Variants in ANXA4 observed in about 807,000 individuals in gnomAD.
ANXA4 encodes 35-beta calcimedin.
Under a neutral mutation model 49.8 loss-of-function variants are expected in ANXA4, and 39 were observed. The ratio of observed to expected loss-of-function variants is 0.78; its 90% CI spans 0.61 to 1.02. The LOEUF (loss-of-function observed/expected upper bound fraction) is 1.02. Among genes scored for constraint, ANXA4 ranks in the 50% least tolerant of loss-of-function variants. ANXA4 has a pLI of 0.00. For synonymous variants in ANXA4, 134 were observed against 152.5 expected (o/e 0.88, Z 0.89); for missense variants, 360 against 410.1 (o/e 0.88, Z 1.05).
Position 69,680,100 on chromosome 2 carries a change from T to C in ANXA4, n.766+26818T>C, listed in dbSNP as rs114115060. On this transcript the variant is annotated intron_variant and non_coding_transcript_variant, in intron 2 of 3. Transcript: ENST00000418066. Reference sequence around the variant, plus strand: ...AATCTGATTATTGCTTTGGGTAGTTTGGTCATTTTAAGAGCGTTAATTCTT... The same window carrying C: ...AATCTGATTATTGCTTTGGGTAGTTCGGTCATTTTAAGAGCGTTAATTCTT... Among the ~76,000 whole-genome samples the C allele has an allele frequency of 8.6e-3, 1,304 of 152,306 alleles. 24 individuals carry two copies. The highest frequency in any genetic ancestry group is 0.029 in the African/African-American group (1,220 of 41,556).
intron 1 of ANXA4, among the ~76,000 whole-genome samples, chr2:69,651,552 G>A (rs1208141604): frequency 6.6e-6 from 1 of 152,034 alleles, no homozygotes; most frequent in Non-Finnish European, 1.5e-5. Context: ...GCCCAGGCTG[G>A]AGTGCAGTGG....
chr2:69,695,594 G>C (rs138242252), intron 2 of ANXA4, among the ~76,000 whole-genome samples: 2 of 152,194 alleles, frequency 1.3e-5, no homozygotes, highest in African/African-American at 4.8e-5. Flanking sequence ...GAGAAACCAC[G>C]CTGGGGAGAG....
intron 2 of ANXA4, among the ~76,000 whole-genome samples, chr2:69,702,290 GGT>G (rs1171226821): frequency 6.6e-6 from 1 of 152,054 alleles, no homozygotes; most frequent in East Asian, 1.9e-4. Flanking sequence ...TGGGATTACA[GGT>G]GTGAGCCACT....
intron 8 of ANXA4, chr2:69,814,743 GGTGTGTGTGTGTGTGTGTGTGTGTGT>G (rs754855168): frequency 8.1e-6 from 1 of 123,638 alleles, no homozygotes; most frequent in South Asian, 2.6e-4. Flanking sequence ...GACACAGAGG[GGTGTGTGTGTGTGTGTGTGTGTGTGT>G]GTGTGTGTGT....
chr2:69,797,367 C>A (rs1672989281), intron 3 of ANXA4, among the ~76,000 whole-genome samples: 1 of 152,134 alleles, frequency 6.6e-6, no homozygotes, highest in African/African-American at 2.4e-5. Context: ...TACCAGAGGA[C>A]CTAATCAATG....
At chr2:69,718,991 TTTTG>T (rs1559108184) in intron 2 of ANXA4, among the ~76,000 whole-genome samples, 2 of 151,860 alleles carry the variant, frequency 1.3e-5, no homozygotes. Flanking sequence ...TTTTTTTTTT[TTTTG>T]TGACTGAGTC....
At chr2:69,730,564 T>A (rs945645158) in intron 3 of ANXA4, among the ~76,000 whole-genome samples, 1 of 151,968 alleles carries the variant, frequency 6.6e-6, no homozygotes, top group Admixed American at 6.6e-5. Context: ...AAGATGGGGG[T>A]TTCTGAGGTT....
At chr2:69,660,733 ACT>A (rs1157215539) in intron 2 of ANXA4, among the ~76,000 whole-genome samples, 1 of 152,058 alleles carries the variant, frequency 6.6e-6, no homozygotes, top group African/African-American at 2.4e-5. Flanking sequence ...GAACCAATTA[ACT>A]AGAAGTTAAA....
rs528065963 is a variant in ANXA4, at chr2:69,775,122, A to G, written c.-46-6398A>G. On this transcript the variant is annotated intron_variant, in intron 1 of 12. Coordinates refer to ENST00000394295, the MANE Select transcript of ANXA4 (RefSeq NM_001153.5). Reference sequence around the variant, plus strand: ...CTTCACACTATACCCTGTGGTTTCAATCGTTTCATGGTTTGCCTTCCACCC... The same window carrying G: ...CTTCACACTATACCCTGTGGTTTCAGTCGTTTCATGGTTTGCCTTCCACCC... Among the ~76,000 whole-genome samples, 45 of 152,274 alleles carry G rather than the reference A, an allele frequency of 3.0e-4. No individual in the cohort carries two copies. The South Asian group carries it at 7.7e-3, about 26-fold the overall frequency.
At chr2:69,667,617 G>A (rs1676987031) in intron 2 of ANXA4, among the ~76,000 whole-genome samples, 1 of 152,206 alleles carries the variant, frequency 6.6e-6, no homozygotes, top group Non-Finnish European at 1.5e-5. Context: ...ATTTATGTCA[G>A]TTCTTCTCTC....
intron 2 of ANXA4, among the ~76,000 whole-genome samples, chr2:69,657,229 G>C (rs911339550): frequency 4.6e-5 from 7 of 151,944 alleles, no homozygotes. Context: ...TCCTGACCTT[G>C]TGATCCACCC....
chr2:69,732,426 C>T (rs554204135), intron 3 of ANXA4, among the ~76,000 whole-genome samples: 1 of 152,062 alleles, frequency 6.6e-6, no homozygotes, highest in East Asian at 1.9e-4. Context: ...CTGGGCAATA[C>T]CTCTTCCCAA....
intron 2 of ANXA4, among the ~76,000 whole-genome samples, chr2:69,701,832 G>A (rs1450961081): frequency 7.3e-5 from 11 of 151,686 alleles, no homozygotes; most frequent in Admixed American, 3.3e-4. Context: ...TTTTATTGTT[G>A]CATCTGTTGA....
chr2:69,715,770 G>A (rs1678861927), intron 2 of ANXA4, among the ~76,000 whole-genome samples: 1 of 152,190 alleles, frequency 6.6e-6, no homozygotes, highest in Non-Finnish European at 1.5e-5. Flanking sequence ...AGAGGGCAGT[G>A]GGAACATAAA....
chr2:69,683,917 A>AT (rs1559076545), intron 2 of ANXA4, among the ~76,000 whole-genome samples: 2 of 152,146 alleles, frequency 1.3e-5, no homozygotes, highest in South Asian at 4.1e-4. Flanking sequence ...CATTGTTCAC[A>AT]TTTTTTTGGA....
At chr2:69,703,087 T>C (rs1678382694) in intron 2 of ANXA4, among the ~76,000 whole-genome samples, 1 of 152,150 alleles carries the variant, frequency 6.6e-6, no homozygotes, top group Non-Finnish European at 1.5e-5. Flanking sequence ...AGAGAGTTAA[T>C]TTCCCTGCCC....
At chr2:69,785,844 C>T (rs1672391588) in intron 2 of ANXA4, among the ~76,000 whole-genome samples, 1 of 152,142 alleles carries the variant, frequency 6.6e-6, no homozygotes, top group African/African-American at 2.4e-5. Flanking sequence ...CCTGGATTTC[C>T]TATGAGCTCA....
intron 3 of ANXA4, among the ~76,000 whole-genome samples, chr2:69,733,115 T>C (rs1430302797): frequency 6.6e-6 from 1 of 152,248 alleles, no homozygotes; most frequent in East Asian, 1.9e-4. Context: ...TTAAAAACGC[T>C]TGTTCTTGTA....
Position 69,657,184 on chromosome 2 carries a change from G to A in ANXA4, n.766+3902G>A, listed in dbSNP as rs574427883. 1.6e-3 allele frequency among the ~76,000 whole-genome samples: 247 copies of A among 151,828 alleles called. 9 individuals carry two copies. The South Asian group carries it at 0.049, about 30-fold the overall frequency. ...TAATTTTTGTATTTTTAGTAGAAAC[G>A]GAGTTTCACTGTTTTGGCCAGGCTG... is the stretch of plus-strand genomic sequence containing the variant. On this transcript the variant is annotated intron_variant and non_coding_transcript_variant, in intron 2 of 3. Coordinates refer to the ANXA4 transcript ENST00000418066.
Sources: allele counts gnomAD v4.1 joint callset (sites outside exome capture counted in the v4.1 genomes callset), GRCh38; gene constraint gnomAD v4.1.1; transcripts MANE v1.5; gene names NCBI Gene and HGNC (gene_info 2026-07-23, HGNC 2026-07-21).